The following STAG1 variants were observed in gnomAD, a reference collection of about 807,000 sequenced individuals.
The protein encoded by STAG1 is STAG1 cohesin complex component.
Under a neutral mutation model 170.9 loss-of-function variants are expected in STAG1, and 26 were observed. The ratio of observed to expected loss-of-function variants is 0.15; its 90% CI spans 0.11 to 0.21. The LOEUF (loss-of-function observed/expected upper bound fraction) is 0.21, where lower values mean the gene tolerates loss of function less well. Ranked by LOEUF, STAG1 falls within the 10% of genes least tolerant of loss-of-function variation. The pLI is 1.00. For missense variants in STAG1, 964 were observed against 1,509.5 expected, an observed-to-expected ratio of 0.64 and a Z score of 5.99; for synonymous variants, 514 against 497.7, an observed-to-expected ratio of 1.03 and a Z score of -0.44.
chr3:136,601,790 T>C (rs1938688719), intron 4 of STAG1, among the ~76,000 whole-genome samples: 1 of 151,998 alleles, frequency 6.6e-6, no homozygotes, highest in Non-Finnish European at 1.5e-5. Flanking sequence ...TGAGCTGAGA[T>C]CGTCCACTGT....
chr3:136,466,173 C>G (rs2089453157), intron 12 of STAG1, among the ~76,000 whole-genome samples: 2 of 152,130 alleles, frequency 1.3e-5, no homozygotes, highest in Non-Finnish European at 2.9e-5. Flanking sequence ...CACGAGCTGA[C>G]AGAAGAAGGC....
At position 136,557,107 on chromosome 3, in the gene STAG1, C is replaced by T. The variant is rs185412089; in HGVS notation, c.394+11658G>A. 7.1e-3 allele frequency among the ~76,000 whole-genome samples: 1,075 copies of T among 151,736 alleles called. 15 individuals carry two copies. The highest frequency in any genetic ancestry group is 0.023 in the African/African-American group (964 of 41,352). ...CAATTAGCCAGGTGTAGTGGTGGTG[C>T]GTGCCTGTAGTCTCAGACACTTGGG... On this transcript the variant is annotated intron_variant, in intron 5 of 33. Transcript: ENST00000383202.
At chr3:136,525,890 A>G (rs553388189) in intron 6 of STAG1, among the ~76,000 whole-genome samples, 31 of 152,254 alleles carry the variant, frequency 2.0e-4, no homozygotes, top group African/African-American at 6.3e-4. Context: ...TTTAGTTTCC[A>G]TGTAGTTGAG....
At chr3:136,346,249 G>A (rs1323029014) in intron 29 of STAG1, among the ~76,000 whole-genome samples, 3 of 152,160 alleles carry the variant, frequency 2.0e-5, no homozygotes, top group Non-Finnish European at 2.9e-5. Context: ...GTAGTACTTA[G>A]CACAGTTCTT....
intron 3 of STAG1, among the ~76,000 whole-genome samples, chr3:136,618,013 T>A (rs1939673411): frequency 6.6e-6 from 1 of 152,232 alleles, no homozygotes; most frequent in Non-Finnish European, 1.5e-5. Context: ...CATTTAAAAA[T>A]AAAAACTGTA....
intron 7 of STAG1, among the ~76,000 whole-genome samples, chr3:136,506,152 T>C (rs999030928): frequency 1.3e-5 from 2 of 152,082 alleles, no homozygotes; most frequent in Admixed American, 6.6e-5. Flanking sequence ...GACCAGAGTA[T>C]AGGACAGTAA....
At chr3:136,477,212 AC>A in intron 10 of STAG1, 76 bp downstream of exon 10, 1 of 1,450,510 alleles carries the variant, frequency 6.9e-7, no homozygotes, top group Non-Finnish European at 9.2e-7. Flanking sequence ...AAAATCAACT[AC>A]TGTCATTTTG....
intron 3 of STAG1, among the ~76,000 whole-genome samples, chr3:136,608,162 C>A (rs58021491): frequency 0.095 from 14,390 of 151,540 alleles, 2,214 homozygotes; most frequent in African/African-American, 0.33. Flanking sequence ...GAGGCTGAGT[C>A]GGGAGAATCG....
intron 14 of STAG1, among the ~76,000 whole-genome samples, chr3:136,451,628 T>C (rs1391737465): frequency 6.6e-6 from 1 of 152,034 alleles, no homozygotes. Flanking sequence ...CTGGGCGTGG[T>C]AGTGGGCACC....
chr3:136,722,961 CGGGATTGCAGA>C (rs952217372), intron 1 of STAG1, among the ~76,000 whole-genome samples: 5 of 152,212 alleles, frequency 3.3e-5, no homozygotes, highest in African/African-American at 1.2e-4. Flanking sequence ...CCCGAGGTGC[CGGGATTGCAGA>C]CGGAGTCTGG....
chr3:136,372,839 G>A (rs929416070), intron 23 of STAG1, among the ~76,000 whole-genome samples: 1 of 152,216 alleles, frequency 6.6e-6, no homozygotes, highest in Admixed American at 6.5e-5. Flanking sequence ...CCAGGCTTTG[G>A]TATCAGGATG....
chr3:136,624,828 A>G (rs1940026667), intron 2 of STAG1, among the ~76,000 whole-genome samples: 1 of 152,236 alleles, frequency 6.6e-6, no homozygotes, highest in South Asian at 2.1e-4. Context: ...GAAGTGACAA[A>G]CAGTAGTACA....
At chr3:136,563,530 G>A (rs917058574) in intron 5 of STAG1, among the ~76,000 whole-genome samples, 15 of 149,572 alleles carry the variant, frequency 1.0e-4, no homozygotes, top group Admixed American at 4.7e-4. Flanking sequence ...ACGCACGCAC[G>A]CACAAACTCT....
intron 26 of STAG1, among the ~76,000 whole-genome samples, chr3:136,360,436 C>T (rs994882678): frequency 1.3e-5 from 2 of 152,164 alleles, no homozygotes; most frequent in African/African-American, 4.8e-5. Flanking sequence ...CTCTGATTCC[C>T]TTTATAGCAA....
intron 10 of STAG1, among the ~76,000 whole-genome samples, chr3:136,476,238 GA>G (rs1485180231): frequency 6.6e-6 from 1 of 152,152 alleles, no homozygotes; most frequent in Non-Finnish European, 1.5e-5. Flanking sequence ...ATAATACACA[GA>G]CCTTCCTCCT....
At position 136,594,925 on chromosome 3, in the gene STAG1, C is replaced by A. The variant is rs1025651813; in HGVS notation, c.297+9384G>T. Among the ~76,000 whole-genome samples the A allele has an allele frequency of 6.0e-4, 91 of 152,196 alleles. 1 individual carries two copies. The highest frequency in any genetic ancestry group is 6.0e-3 in the Admixed American group (91 of 15,276). The stretch of plus-strand genomic sequence containing the variant: ...AGCTGGGACTACAGACACATGCCAC[C>A]ACACCTGGCTACTTTTTGTATTTTG... On this transcript the variant is annotated intron_variant, in intron 4 of 33. Transcript: ENST00000383202.
chr3:136,513,126 C>A (rs1934159464), intron 7 of STAG1, among the ~76,000 whole-genome samples: 1 of 152,000 alleles, frequency 6.6e-6, no homozygotes, highest in Admixed American at 6.6e-5. Context: ...GAGGCCGAGG[C>A]AGGCAGATCA....
intron 9 of STAG1, among the ~76,000 whole-genome samples, chr3:136,495,524 C>A (rs1250335295): frequency 6.6e-6 from 1 of 152,048 alleles, no homozygotes; most frequent in Non-Finnish European, 1.5e-5. Context: ...GAACTTATAT[C>A]AAGAATATCA....
intron 31 of STAG1, 87 bp downstream of exon 31, chr3:136,341,354 C>A: frequency 1.1e-6 from 1 of 881,062 alleles, no homozygotes; most frequent in Non-Finnish European, 1.8e-6. Context: ...CTCCTAAGAC[C>A]AAACATCAAA....
Sources: allele counts gnomAD v4.1 joint callset (sites outside exome capture counted in the v4.1 genomes callset), GRCh38; gene constraint gnomAD v4.1.1; transcripts MANE v1.5; gene names NCBI Gene and HGNC (gene_info 2026-07-23, HGNC 2026-07-21).